MARCHF1: variants seen among roughly 807,000 people sequenced by gnomAD.
MARCHF1 encodes E3 ubiquitin-protein ligase MARCHF1.
MARCHF1 carries 40 observed loss-of-function variants against 54.2 expected under a neutral mutation model. The ratio of observed to expected loss-of-function variants is 0.74; its 90% CI spans 0.57 to 0.96. The LOEUF (loss-of-function observed/expected upper bound fraction) is 0.96, where lower values mean the gene tolerates loss of function less well. Ranked by LOEUF, MARCHF1 falls within the 40% of genes least tolerant of loss-of-function variation. The pLI is 0.00. For missense variants in MARCHF1, 586 were observed against 656.5 expected (o/e 0.89, Z 1.17); for synonymous variants, 236 against 236.3 (o/e 1.00, Z 0.01).
At chr4:164,171,661 T>G (rs750100321) in intron 1 of MARCHF1, among the ~76,000 whole-genome samples, 6 of 152,178 alleles carry the variant, frequency 3.9e-5, no homozygotes, top group Non-Finnish European at 7.4e-5. Flanking sequence ...TGAATTTAAG[T>G]ACACTTTTAA....
At chr4:163,699,110 C>T (rs755602107) in intron 5 of MARCHF1, among the ~76,000 whole-genome samples, 13 of 152,154 alleles carry the variant, frequency 8.5e-5, no homozygotes, top group Non-Finnish European at 1.2e-4. Flanking sequence ...AGAGTTAGTG[C>T]TCTTAACCAG....
At chr4:163,584,302 AT>A (rs1005440221) in intron 8 of MARCHF1, 3 of 152,096 alleles carry the variant, frequency 2.0e-5, no homozygotes, top group Non-Finnish European at 4.4e-5. Context: ...TGAAATGAAA[AT>A]TTTATGTAAA....
At chr4:163,853,363 A>C (rs1184458356) in intron 4 of MARCHF1, among the ~76,000 whole-genome samples, 2 of 152,178 alleles carry the variant, frequency 1.3e-5, no homozygotes, top group Non-Finnish European at 2.9e-5. Flanking sequence ...TCCTCCTTTA[A>C]ATTAAAATGA....
intron 1 of MARCHF1, among the ~76,000 whole-genome samples, chr4:164,128,081 G>A (rs1346945674): frequency 1.3e-5 from 2 of 152,278 alleles, no homozygotes; most frequent in South Asian, 2.1e-4. Flanking sequence ...ACAAAAATGT[G>A]AGGATAAATG....
At chr4:163,762,921 G>C (rs896282741) in intron 4 of MARCHF1, among the ~76,000 whole-genome samples, 1 of 151,948 alleles carries the variant, frequency 6.6e-6, no homozygotes, top group Non-Finnish European at 1.5e-5. Context: ...ACATAACAAG[G>C]CTCTAATTAT....
At chr4:164,172,842 G>A (rs34830492) in intron 1 of MARCHF1, among the ~76,000 whole-genome samples, 1 of 151,848 alleles carries the variant, frequency 6.6e-6, no homozygotes, top group Non-Finnish European at 1.5e-5. Context: ...CCGGGCCCAC[G>A]TGGTGGCGGG....
chr4:163,990,295 C>T (rs567586154), intron 2 of MARCHF1, among the ~76,000 whole-genome samples: 30 of 152,080 alleles, frequency 2.0e-4, no homozygotes, highest in African/African-American at 7.0e-4. Flanking sequence ...AGATCCCTAA[C>T]AGACACATTT....
At chr4:164,040,260 A>G (rs1754097310) in intron 2 of MARCHF1, among the ~76,000 whole-genome samples, 1 of 144,590 alleles carries the variant, frequency 6.9e-6, no homozygotes, top group Non-Finnish European at 1.5e-5. Flanking sequence ...CGTATATGTA[A>G]TTACATATAA....
intron 3 of MARCHF1, among the ~76,000 whole-genome samples, chr4:163,930,014 T>A (rs1227825035): frequency 1.5e-5 from 2 of 135,830 alleles, no homozygotes; most frequent in South Asian, 2.2e-4. Context: ...ATAAATATAT[T>A]ATATATACTA....
intron 3 of MARCHF1, among the ~76,000 whole-genome samples, chr4:163,949,398 G>A (rs1370038634): frequency 1.3e-5 from 2 of 152,172 alleles, no homozygotes; most frequent in South Asian, 2.1e-4. Flanking sequence ...GGCTCGTGAA[G>A]CTCTAGGGCT....
At chr4:164,090,572 T>C (rs1258898740) in intron 2 of MARCHF1, among the ~76,000 whole-genome samples, 1 of 152,076 alleles carries the variant, frequency 6.6e-6, no homozygotes, top group African/African-American at 2.4e-5. Context: ...AGCTTCACAA[T>C]AAAATATTAT....
At chr4:164,197,769 T>C in intron 1 of MARCHF1, 1 of 1,608,824 alleles carries the variant, frequency 6.2e-7, no homozygotes, top group South Asian at 1.1e-5. Context: ...TCAATAAACC[T>C]CGAACCCACG....
rs553695018 is a variant in MARCHF1, at chr4:163,692,767, C to T, written c.162+8046G>A. ...TCCACCATGTCACCATTTAGCTTCT[C>T]GGTCTGTTCCCTGTAGAAAACTGGT... On this transcript the variant is annotated intron_variant, in intron 5 of 9. Coordinates refer to ENST00000514618, the MANE Select transcript of MARCHF1 (RefSeq NM_001394959.1). Among the ~76,000 whole-genome samples the T allele has an allele frequency of 1.1e-4, 17 of 151,284 alleles. 1 individual carries two copies. Among genetic ancestry groups the T allele is most frequent in the African/African-American group, 3.9e-4 (16 of 41,084 alleles).
chr4:164,379,855 C>G (rs1484826697), intron 1 of MARCHF1, among the ~76,000 whole-genome samples: 4 of 151,862 alleles, frequency 2.6e-5, no homozygotes. Context: ...AGTCAGGAGG[C>G]TGAGGGACGA....
intron 1 of MARCHF1, among the ~76,000 whole-genome samples, chr4:164,239,721 A>G (rs1732671177): frequency 6.6e-6 from 1 of 152,176 alleles, no homozygotes; most frequent in Non-Finnish European, 1.5e-5. Flanking sequence ...GTAAGCATTA[A>G]TGTTAAACTT....
chr4:164,251,350 A>C (rs1733118237), intron 1 of MARCHF1, among the ~76,000 whole-genome samples: 1 of 152,168 alleles, frequency 6.6e-6, no homozygotes, highest in African/African-American at 2.4e-5. Flanking sequence ...GGTAAGTAAG[A>C]AAAAGATACA....
intron 1 of MARCHF1, among the ~76,000 whole-genome samples, chr4:164,307,537 T>C (rs1734728516): frequency 6.6e-6 from 1 of 152,202 alleles, no homozygotes; most frequent in African/African-American, 2.4e-5. Context: ...AGCTTACCTC[T>C]CACACCCCAG....
chr4:164,169,543 A>G (rs1730469892), intron 1 of MARCHF1, among the ~76,000 whole-genome samples: 1 of 152,130 alleles, frequency 6.6e-6, no homozygotes. Context: ...GAAAATAACT[A>G]GTTTCTAAAC....
chr4:164,060,712 C>A (rs532726952), intron 2 of MARCHF1, among the ~76,000 whole-genome samples: 1 of 152,058 alleles, frequency 6.6e-6, no homozygotes, highest in Admixed American at 6.6e-5. Context: ...AATAAGTAAA[C>A]GTTACAAGGA....
Sources: gnomAD v4.1 joint callset for allele counts (sites outside exome capture counted in the v4.1 genomes callset) on GRCh38, gnomAD v4.1.1 for gene constraint, MANE v1.5 for transcripts, NCBI Gene and HGNC (gene_info 2026-07-23, HGNC 2026-07-21) for gene names.